Variants in CD8A observed in about 807,000 individuals in gnomAD.
The protein encoded by CD8A is T-cell surface glycoprotein CD8 alpha chain.
A neutral mutation model predicts 24.2 loss-of-function variants in CD8A; 25 were observed. The observed-to-expected ratio is 1.03, with a 90% CI of 0.75 to 1.44. The LOEUF is 1.44. Among genes scored for constraint, CD8A ranks in the 40% most tolerant of loss-of-function variants. The probability of loss-of-function intolerance (pLI) is 0.00; values close to 1 mark genes in which losing one functional copy is unlikely to be tolerated. For missense variants in CD8A, 360 were observed against 319.7 expected (o/e 1.13, Z -0.96); for synonymous variants, 165 against 149.9 (o/e 1.10, Z -0.74).
intron 3 of CD8A, among the ~76,000 whole-genome samples, chr2:86,797,162 A>G (rs1311734098): frequency 6.6e-6 from 1 of 152,144 alleles, no homozygotes; most frequent in Non-Finnish European, 1.5e-5. Flanking sequence ...AAGCGTTCTG[A>G]ATGCAACTGG....
In CD8A at chr2:86,790,699, CGAGGCT is replaced by C; in HGVS notation, c.50-24_50-19del. 1 of 1,589,878 alleles carries C rather than the reference CGAGGCT, an allele frequency of 6.3e-7. No homozygotes were observed. The highest frequency in any genetic ancestry group is 8.5e-7 in the Non-Finnish European group (1 of 1,175,558). ...GGCGGCGTCTGCAGGCGGCAAGCAGCGAGGCTGAGCCCGCAGTCCCGCGCCCCCCGC... is the reference window on the plus strand; with the variant it reads ...GGCGGCGTCTGCAGGCGGCAAGCAGCGAGCCCGCAGTCCCGCGCCCCCCGC... On this transcript the variant is annotated intron_variant, in intron 1 of 5. Transcript: ENST00000283635.
chr2:86,801,508 T>G (rs1673673048), intron 3 of CD8A: 1 of 152,504 alleles, frequency 6.6e-6, no homozygotes, highest in Non-Finnish European at 1.5e-5. Flanking sequence ...CACACCATCA[T>G]ACCTGGCTAA....
At chr2:86,802,591 A>T (rs567659873) in intron 2 of CD8A, among the ~76,000 whole-genome samples, 1 of 152,058 alleles carries the variant, frequency 6.6e-6, no homozygotes, top group Admixed American at 6.6e-5. Flanking sequence ...AATAGAATTC[A>T]TAAGTCCATT....
At chr2:86,793,418 A>ATG (rs142293668), upstream of CD8A, among the ~76,000 whole-genome samples, 2,704 of 151,454 alleles carry the variant, frequency 0.018, 71 homozygotes, top group African/African-American at 0.058. Context: ...CGATGTATGC[A>ATG]TGTGTGTGTG....
chr2:86,798,235 G>A (rs563778716), intron 3 of CD8A, among the ~76,000 whole-genome samples: 28 of 151,872 alleles, frequency 1.8e-4, no homozygotes, highest in African/African-American at 6.8e-4. Context: ...GAGTGCAATG[G>A]CACGATGTTG....
At chr2:86,792,307 C>T (rs1165928438), upstream of CD8A, among the ~76,000 whole-genome samples, 1 of 152,124 alleles carries the variant, frequency 6.6e-6, no homozygotes, top group African/African-American at 2.4e-5. Flanking sequence ...AGACAAGACA[C>T]CTGGCATTCT....
chr2:86,802,612 C>G (rs1360427884), intron 2 of CD8A, among the ~76,000 whole-genome samples: 1 of 151,912 alleles, frequency 6.6e-6, no homozygotes, highest in Non-Finnish European at 1.5e-5. Flanking sequence ...TGTTTTTACT[C>G]TTTATTTTTT....
chr2:86,790,627 A>G lies in CD8A; in HGVS notation c.104T>C (p.Leu35Pro). 6.2e-7 allele frequency: 1 copy of G among 1,605,646 alleles called. No individual in the cohort carries two copies. ...RVSPLDRTWN[L>P]GETVELKCQV... ...GCACTTCAGCTCCACTGTCTCGCCCAGGTTCCAGGTCCGATCCAGCGGCGA... is the reference window on the plus strand; with the variant it reads ...GCACTTCAGCTCCACTGTCTCGCCCGGGTTCCAGGTCCGATCCAGCGGCGA... The change falls in exon 2 of 6, where the codon CTG becomes CCG. Residue 35 changes from leucine (L) to proline (P), a missense_variant. Coordinates refer to ENST00000283635, the MANE Select transcript of CD8A (RefSeq NM_001768.7).
In CD8A at chr2:86,785,800, AAAT is replaced by A; in HGVS notation, c.*117_*119del. 1 of 847,342 alleles carries A rather than the reference AAAT, an allele frequency of 1.2e-6. No homozygotes were observed. The highest frequency in any genetic ancestry group is 2.2e-4 in the Middle Eastern group (1 of 4,568). The allele number at this position is 847,342 out of a possible 1,614,324, so 52.5% of individuals were successfully genotyped here. On this transcript the variant is annotated 3_prime_UTR_variant, in exon 6 of 6. Coordinates refer to ENST00000283635, the MANE Select transcript of CD8A (RefSeq NM_001768.7). ...AATCTTTCCCACCCCGCCCCCACTAAAATAATAATCATGAGAATGAATACACAG... is the reference window on the plus strand; with the variant it reads ...AATCTTTCCCACCCCGCCCCCACTAAAATAATCATGAGAATGAATACACAG...
intron 4 of CD8A, among the ~76,000 whole-genome samples, chr2:86,789,062 G>C (rs3020727): frequency 1.3e-5 from 2 of 152,194 alleles, no homozygotes; most frequent in South Asian, 4.1e-4. Flanking sequence ...GCGCGCTGCG[G>C]GCTTCGTCGA....
At position 86,785,532 on chromosome 2, in the gene CD8A, G is replaced by C. The variant is rs1368149844; in HGVS notation, c.*388C>G. The C allele has an allele frequency of 2.1e-6, 1 of 473,720 alleles. No homozygotes were observed. The highest frequency in any genetic ancestry group is 6.4e-4 in the Middle Eastern group (1 of 1,558). The allele number at this position is 473,720 out of a possible 1,614,324, so 29.3% of individuals were successfully genotyped here. A position where few individuals can be genotyped will look rare whatever the true frequency, so the allele number is the denominator to read the frequency against. On this transcript the variant is annotated 3_prime_UTR_variant, in exon 6 of 6. Transcript: ENST00000283635. ...GCTACTGCTCCAACCCTGACTTGCT[G>C]TGTGCCTTTGATCAAGCTGTCTCTG... is the stretch of plus-strand genomic sequence containing the variant.
At chr2:86,787,248 C>G (rs1673057710) in intron 5 of CD8A, among the ~76,000 whole-genome samples, 1 of 151,546 alleles carries the variant, frequency 6.6e-6, no homozygotes, top group Non-Finnish European at 1.5e-5. Flanking sequence ...ATACCCGGCT[C>G]ATTTTCAAAG....
At chr2:86,791,057 T>C (rs1411598909), upstream of CD8A, 3 of 701,790 alleles carry the variant, frequency 4.3e-6, no homozygotes, top group East Asian at 8.1e-5. Flanking sequence ...AATAGGGCCG[T>C]CGAGGCAGCC....
chr2:86,803,000 T>C (rs1673724190), intron 2 of CD8A, among the ~76,000 whole-genome samples: 1 of 152,186 alleles, frequency 6.6e-6, no homozygotes, highest in Non-Finnish European at 1.5e-5. Flanking sequence ...TGAGTGACGG[T>C]TGAAACAAAA....
chr2:86,785,896 T>A lies in CD8A; in HGVS notation c.*24A>T. Reference sequence around the variant, plus strand: ...CAAAAGGAAGGATCTCAGTTTGAAGTAATGTAGTGGCTGTTGCACAGGGTT... The same window carrying A: ...CAAAAGGAAGGATCTCAGTTTGAAGAAATGTAGTGGCTGTTGCACAGGGTT... On this transcript the variant is annotated 3_prime_UTR_variant, in exon 6 of 6. Coordinates refer to ENST00000283635, the MANE Select transcript of CD8A (RefSeq NM_001768.7). 1 of 1,575,988 alleles carries A rather than the reference T, an allele frequency of 6.3e-7. No homozygotes were observed. Among genetic ancestry groups the A allele is most frequent in the Non-Finnish European group, 8.7e-7 (1 of 1,145,164 alleles).
chr2:86,799,068 T>C (rs1673576924), intron 3 of CD8A, among the ~76,000 whole-genome samples: 1 of 152,224 alleles, frequency 6.6e-6, no homozygotes, highest in East Asian at 1.9e-4. Context: ...AGTTTCATGT[T>C]CAGTGGTTCT....
In CD8A at chr2:86,785,651, G is replaced by A; in HGVS notation, c.*269C>T. The A allele has an allele frequency of 1.5e-6, 1 of 653,976 alleles. No individual in the cohort carries two copies. Among genetic ancestry groups the A allele is most frequent in the South Asian group, 1.5e-5 (1 of 66,294 alleles). The allele number at this position is 653,976 out of a possible 1,614,324, so 40.5% of individuals were successfully genotyped here. Reference sequence around the variant, plus strand: ...CTCAGCATGATTCTGAGAACTCTGCGGGTAGCTCTGGCCTGCCCCTTTCCA... The same window carrying A: ...CTCAGCATGATTCTGAGAACTCTGCAGGTAGCTCTGGCCTGCCCCTTTCCA... On this transcript the variant is annotated 3_prime_UTR_variant, in exon 6 of 6. Coordinates refer to ENST00000283635, the MANE Select transcript of CD8A (RefSeq NM_001768.7).
In CD8A at chr2:86,804,497, G is replaced by A. The variant is rs186457259; in HGVS notation, c.-417-2840C>T. On this transcript the variant is annotated intron_variant, in intron 2 of 8. Coordinates refer to the CD8A transcript ENST00000409511. The stretch of plus-strand genomic sequence containing the variant: ...TCTAGATGAAAAGAGTTAGAGAGAA[G>A]GATGGTGGTGAAGGTTGCACAACAA... Among the ~76,000 whole-genome samples the A allele has an allele frequency of 4.4e-3, 665 of 152,206 alleles. 4 individuals carry two copies. Among genetic ancestry groups the A allele is most frequent in the African/African-American group, 0.015 (631 of 41,534 alleles).
chr2:86,800,225 C>T lies in CD8A; in HGVS notation c.-271+1286G>A, dbSNP rs539321352. On this transcript the variant is annotated intron_variant, in intron 3 of 8. Coordinates refer to the CD8A transcript ENST00000409511. ...CTGTAATCCCAGCACTCTGGGAGGC[C>T]GCAGTGGGTGGATCACAAGGTCAGG... Among the ~76,000 whole-genome samples the T allele has an allele frequency of 5.8e-4, 88 of 151,912 alleles. 1 individual carries two copies. The highest frequency in any genetic ancestry group is 2.1e-3 in the African/African-American group (87 of 41,388).
Sources: allele counts gnomAD v4.1 joint callset (sites outside exome capture counted in the v4.1 genomes callset), GRCh38; gene constraint gnomAD v4.1.1; transcripts MANE v1.5; gene names NCBI Gene and HGNC (gene_info 2026-07-23, HGNC 2026-07-21).